HTR4: variants seen among roughly 807,000 people sequenced by gnomAD.
HTR4 encodes the protein 5-hydroxytryptamine receptor 4.
Under a neutral mutation model 36.8 loss-of-function variants are expected in HTR4, and 16 were observed. That is an observed-to-expected ratio of 0.43 (90% CI 0.29 to 0.66). HTR4 has a LOEUF of 0.66. Ranked by LOEUF, HTR4 falls within the 30% of genes least tolerant of loss-of-function variation. HTR4 has a pLI of 0.13. For missense variants in HTR4, 438 were observed against 490.9 expected, an observed-to-expected ratio of 0.89 and a Z score of 1.02; for synonymous variants, 189 against 185.1, an observed-to-expected ratio of 1.02 and a Z score of -0.17.
At chr5:148,594,689 C>A (rs537590249) in intron 2 of HTR4, among the ~76,000 whole-genome samples, 8 of 152,166 alleles carry the variant, frequency 5.3e-5, no homozygotes, top group African/African-American at 1.9e-4. Flanking sequence ...ACTGATCTAC[C>A]GCAACCCAGT....
intron 5 of HTR4, among the ~76,000 whole-genome samples, chr5:148,522,551 T>A (rs1175908087): frequency 6.6e-6 from 1 of 152,198 alleles, no homozygotes; most frequent in Non-Finnish European, 1.5e-5. Context: ...CTCTCTGGCA[T>A]ACAGGCATGT....
At chr5:148,546,727 G>A (rs796321963) in intron 4 of HTR4, among the ~76,000 whole-genome samples, 69 of 152,112 alleles carry the variant, frequency 4.5e-4, no homozygotes, top group African/African-American at 1.6e-3. Context: ...ACCCCTGCCT[G>A]GTCTTCTCCA....
intron 5 of HTR4, among the ~76,000 whole-genome samples, chr5:148,464,164 C>G (rs1285425553): frequency 6.6e-6 from 1 of 151,680 alleles, no homozygotes; most frequent in Non-Finnish European, 1.5e-5. Context: ...AGGAAAAAAT[C>G]TAGACAACTG....
At chr5:148,451,740 C>T (rs1378735039) in intron 5 of HTR4, among the ~76,000 whole-genome samples, 2 of 152,150 alleles carry the variant, frequency 1.3e-5, no homozygotes, top group East Asian at 1.9e-4. Flanking sequence ...ACTTTCATTC[C>T]TTTTGGTGCC....
intron 4 of HTR4, among the ~76,000 whole-genome samples, chr5:148,547,814 C>G (rs1463001912): frequency 6.6e-6 from 1 of 152,090 alleles, no homozygotes. Flanking sequence ...TGTTGGGTTG[C>G]TCAAGACACA....
At chr5:148,534,527 C>T (rs1758720733) in intron 4 of HTR4, among the ~76,000 whole-genome samples, 1 of 152,166 alleles carries the variant, frequency 6.6e-6, no homozygotes, top group South Asian at 2.1e-4. Flanking sequence ...GACAGAGACT[C>T]CAGGGGCAAC....
chr5:148,650,842 T>C (rs192081169), intron 1 of HTR4, among the ~76,000 whole-genome samples: 1 of 152,248 alleles, frequency 6.6e-6, no homozygotes, highest in Admixed American at 6.5e-5. Context: ...CACAACCTTA[T>C]AGTATCTAGC....
chr5:148,560,807 G>T (rs964886769), intron 2 of HTR4, among the ~76,000 whole-genome samples: 1 of 152,090 alleles, frequency 6.6e-6, no homozygotes, highest in African/African-American at 2.4e-5. Context: ...TTTATTGCAA[G>T]TCCAGTATTT....
At chr5:148,552,760 A>G (rs1759761598) in intron 2 of HTR4, among the ~76,000 whole-genome samples, 1 of 152,184 alleles carries the variant, frequency 6.6e-6, no homozygotes, top group Non-Finnish European at 1.5e-5. Context: ...CTTTTTCACT[A>G]CAATCTCCAG....
chr5:148,629,345 T>C (rs755836111), intron 2 of HTR4: 6 of 152,208 alleles, frequency 3.9e-5, no homozygotes, highest in Non-Finnish European at 7.3e-5. Context: ...TCTGAAATAC[T>C]TCTATCTCAA....
At chr5:148,528,543 GA>G (rs71001492) in intron 4 of HTR4, among the ~76,000 whole-genome samples, 47,998 of 151,126 alleles carry the variant, frequency 0.32, 7,940 homozygotes, top group Non-Finnish European at 0.38. Flanking sequence ...TTAAGTAGGT[GA>G]AAAAAAAATC....
Position 148,497,536 on chromosome 5 carries a change from T to C in HTR4, c.1076+11920A>G, listed in dbSNP as rs996446948. Among the ~76,000 whole-genome samples the C allele has an allele frequency of 4.6e-5, 7 of 152,344 alleles. No individual in the cohort carries two copies. In the East Asian group the frequency reaches 1.2e-3, roughly 25 times the overall value. ...GACCACAAGAGATGATAAGACATCA[T>C]TGTCTTATTCCTCACTTTAGTGGGA... On this transcript the variant is annotated intron_variant, in intron 6 of 6. Transcript: ENST00000377888.
In HTR4 at chr5:148,481,843, G is replaced by A. The variant is rs1755901749; in HGVS notation, c.*1360C>T. On this transcript the variant is annotated 3_prime_UTR_variant, in exon 7 of 7. Transcript: ENST00000377888. ...CTCAGCTTTGAATAAAAGACATCCAGATTAATCTGAAGGACAAAGCTGGAA... is the reference window on the plus strand; with the variant it reads ...CTCAGCTTTGAATAAAAGACATCCAAATTAATCTGAAGGACAAAGCTGGAA... 1 of 1,303,540 alleles carries A rather than the reference G, an allele frequency of 7.7e-7. No individual in the cohort carries two copies. Among genetic ancestry groups the A allele is most frequent in the Non-Finnish European group, 9.7e-7 (1 of 1,031,478 alleles). 80.7% of individuals were successfully genotyped at this position (1,303,540 alleles called of 1,614,324 possible). A position where few individuals can be genotyped will look rare whatever the true frequency, so the allele number is the denominator to read the frequency against.
chr5:148,467,600 TAA>T (rs914256287), intron 5 of HTR4, among the ~76,000 whole-genome samples: 24 of 152,216 alleles, frequency 1.6e-4, no homozygotes, highest in Non-Finnish European at 2.9e-5. Context: ...ACAATAATGT[TAA>T]GATGAAATCT....
chr5:148,531,254 A>C (rs1758551214), intron 4 of HTR4, among the ~76,000 whole-genome samples: 1 of 152,096 alleles, frequency 6.6e-6, no homozygotes. Flanking sequence ...TCCCCACCCA[A>C]ACCTCGTATT....
At chr5:148,563,956 C>T (rs943273147) in intron 2 of HTR4, among the ~76,000 whole-genome samples, 4 of 152,172 alleles carry the variant, frequency 2.6e-5, no homozygotes, top group Non-Finnish European at 4.4e-5. Context: ...GAATGAGCTA[C>T]TTCTTAATTA....
chr5:148,501,903 CAA>C (rs550619189), intron 6 of HTR4, among the ~76,000 whole-genome samples: 1 of 151,526 alleles, frequency 6.6e-6, no homozygotes, highest in Non-Finnish European at 1.5e-5. Context: ...ACTAAAAATA[CAA>C]AAAAATTAGC....
chr5:148,488,948 G>T (rs1756286950), intron 6 of HTR4, among the ~76,000 whole-genome samples: 1 of 152,114 alleles, frequency 6.6e-6, no homozygotes, highest in African/African-American at 2.4e-5. Context: ...TTCCCAATAT[G>T]TGCATAGAAC....
intron 2 of HTR4, among the ~76,000 whole-genome samples, chr5:148,587,976 C>G (rs1190485285): frequency 6.6e-6 from 1 of 152,182 alleles, no homozygotes; most frequent in Non-Finnish European, 1.5e-5. Context: ...ATGGGGATAA[C>G]TGACTGCCCT....
Sources: allele counts gnomAD v4.1 joint callset (sites outside exome capture counted in the v4.1 genomes callset), GRCh38; gene constraint gnomAD v4.1.1; transcripts MANE v1.5; gene names NCBI Gene and HGNC (gene_info 2026-07-23, HGNC 2026-07-21).